MGMT: variants seen among roughly 807,000 people sequenced by gnomAD.
MGMT encodes O-6-methylguanine-DNA methyltransferase, also known as methylated-DNA--protein-cysteine methyltransferase.
A neutral mutation model predicts 15.9 loss-of-function variants in MGMT; 14 were observed. That is an observed-to-expected ratio of 0.88 (90% CI 0.58 to 1.37). The LOEUF (loss-of-function observed/expected upper bound fraction) is 1.37. MGMT is among the 40% of genes most tolerant of loss of function. The pLI, the probability that MGMT is intolerant of heterozygous loss-of-function variation, is 0.00. For synonymous variants in MGMT, 130 were observed against 118.2 expected, an observed-to-expected ratio of 1.10 and a Z score of -0.65; for missense variants, 282 against 268.1, an observed-to-expected ratio of 1.05 and a Z score of -0.36.
chr10:129,605,409 G>T (rs993709921), intron 2 of MGMT, among the ~76,000 whole-genome samples: 1 of 151,988 alleles, frequency 6.6e-6, no homozygotes, highest in African/African-American at 2.4e-5. Flanking sequence ...CTGTTTTCAT[G>T]GGCCCCTGTC....
chr10:129,575,096 C>T (rs561841461), intron 2 of MGMT, among the ~76,000 whole-genome samples: 5 of 152,274 alleles, frequency 3.3e-5, no homozygotes, highest in African/African-American at 9.6e-5. Context: ...GAGACTTTAA[C>T]ACCCCACCGT....
chr10:129,736,600 C>T (rs1260309238), intron 3 of MGMT, among the ~76,000 whole-genome samples: 4 of 151,800 alleles, frequency 2.6e-5, no homozygotes, highest in Non-Finnish European at 4.4e-5. Flanking sequence ...TTGATCCTGT[C>T]ATTATGATGT....
intron 2 of MGMT, among the ~76,000 whole-genome samples, chr10:129,671,308 T>G (rs1847719863): frequency 6.6e-6 from 1 of 152,228 alleles, no homozygotes; most frequent in Non-Finnish European, 1.5e-5. Flanking sequence ...CTTGGTAGCT[T>G]GAAGTCAGTC....
At position 129,478,728 on chromosome 10, in the gene MGMT, G is replaced by C. The variant is rs183980891; in HGVS notation, c.-13+11432G>C. Among the ~76,000 whole-genome samples, 496 of 152,348 alleles carry C rather than the reference G, an allele frequency of 3.3e-3. 1 individual carries two copies. The highest frequency in any genetic ancestry group is 5.6e-3 in the Admixed American group (86 of 15,302). On this transcript the variant is annotated intron_variant, in intron 1 of 4. Transcript: ENST00000651593. ...GCTGGCACTGTGCCCCTGGCATCTG[G>C]CTTTGGGGGGCCCAGCTGTGCAGGG...
intron 2 of MGMT, among the ~76,000 whole-genome samples, chr10:129,652,429 G>T (rs889484672): frequency 3.9e-5 from 6 of 152,242 alleles, no homozygotes; most frequent in African/African-American, 1.2e-4. Context: ...GGAGGGGCAC[G>T]TTTCTGACCC....
At chr10:129,515,937 ATTTTATT>A (rs1473887514) in intron 1 of MGMT, among the ~76,000 whole-genome samples, 4 of 152,116 alleles carry the variant, frequency 2.6e-5, no homozygotes, top group African/African-American at 9.7e-5. Context: ...TTTTTATTTT[ATTTTATT>A]TTAATTAATG....
At chr10:129,577,464 G>A (rs1378709039) in intron 2 of MGMT, among the ~76,000 whole-genome samples, 1 of 152,190 alleles carries the variant, frequency 6.6e-6, no homozygotes, top group Non-Finnish European at 1.5e-5. Flanking sequence ...AAATGGTGCT[G>A]GGAAAACTGG....
chr10:129,648,431 G>A (rs1018492981), intron 2 of MGMT, among the ~76,000 whole-genome samples: 2 of 151,864 alleles, frequency 1.3e-5, no homozygotes, highest in Non-Finnish European at 2.9e-5. Flanking sequence ...TTCAGACTTT[G>A]CATTTCAAAT....
In MGMT at chr10:129,556,528, GC is replaced by G. The variant is rs1176918242; in HGVS notation, c.125+20154del. 2.6e-5 allele frequency among the ~76,000 whole-genome samples: 4 copies of G among 152,164 alleles called. No individual in the cohort carries two copies. Among genetic ancestry groups the G allele is most frequent in the Non-Finnish European group, 5.9e-5 (4 of 68,020 alleles). On this transcript the variant is annotated intron_variant, in intron 2 of 4. Coordinates refer to ENST00000651593, the MANE Select transcript of MGMT (RefSeq NM_002412.5). The surrounding 1 kb of genome is among the most constrained non-coding windows in gnomAD (Gnocchi z 4.3). ...CAGGCTGCAGGGCTTCGTCAGGGCA[GC>G]CCTGGCGGAAGAACGCAGCCTCGTC...
At chr10:129,576,250 C>T (rs1305944536) in intron 2 of MGMT, among the ~76,000 whole-genome samples, 1 of 152,134 alleles carries the variant, frequency 6.6e-6, no homozygotes, top group African/African-American at 2.4e-5. Context: ...AATTTTAGAC[C>T]AATATCCTTG....
intron 2 of MGMT, among the ~76,000 whole-genome samples, chr10:129,687,100 C>A (rs1267848718): frequency 6.6e-6 from 1 of 152,138 alleles, no homozygotes; most frequent in Non-Finnish European, 1.5e-5. Context: ...AGGTTCTCAG[C>A]AAGTGTGCTG....
chr10:129,624,879 C>A (rs1847129293), intron 2 of MGMT, among the ~76,000 whole-genome samples: 1 of 151,886 alleles, frequency 6.6e-6, no homozygotes, highest in Non-Finnish European at 1.5e-5. Context: ...GTAAACGTGA[C>A]AAAGTAGATA....
intron 1 of MGMT, among the ~76,000 whole-genome samples, chr10:129,524,041 G>T (rs1845841843): frequency 6.6e-6 from 1 of 152,194 alleles, no homozygotes; most frequent in Admixed American, 6.5e-5. Flanking sequence ...GACAAGGTCT[G>T]TGTGAGAAGG....
intron 2 of MGMT, among the ~76,000 whole-genome samples, chr10:129,648,660 TTTTTTTCTTTTC>T (rs1847423061): frequency 1.3e-5 from 2 of 150,274 alleles, no homozygotes; most frequent in South Asian, 4.1e-4. Context: ...TTTCTTTCAC[TTTTTTTCTTTTC>T]TTTTTTCTTC....
chr10:129,581,374 T>G (rs1271030077), intron 2 of MGMT, among the ~76,000 whole-genome samples: 1 of 152,274 alleles, frequency 6.6e-6, no homozygotes, highest in East Asian at 1.9e-4. Context: ...CTGCCATTCC[T>G]CCGGTGGCAG....
chr10:129,593,046 G>A (rs1240188197), intron 2 of MGMT, among the ~76,000 whole-genome samples: 1 of 152,194 alleles, frequency 6.6e-6, no homozygotes, highest in Non-Finnish European at 1.5e-5. Flanking sequence ...TGGCCTCGGG[G>A]ATGCTGCGAG....
intron 2 of MGMT, among the ~76,000 whole-genome samples, chr10:129,584,128 G>A (rs1417412326): frequency 1.3e-5 from 2 of 152,182 alleles, no homozygotes; most frequent in African/African-American, 4.8e-5. Context: ...GGTGAGGCCT[G>A]GATCATCATC....
intron 2 of MGMT, among the ~76,000 whole-genome samples, chr10:129,597,379 A>G (rs1846763421): frequency 6.6e-6 from 1 of 152,184 alleles, no homozygotes; most frequent in Non-Finnish European, 1.5e-5. Flanking sequence ...TGAGCAAAAC[A>G]TGCTGAGTTC....
intron 2 of MGMT, among the ~76,000 whole-genome samples, chr10:129,604,715 C>G (rs1846866471): frequency 6.7e-6 from 1 of 149,626 alleles, no homozygotes; most frequent in South Asian, 2.2e-4. Context: ...CAGGCCCCAC[C>G]TGCACCCCAC....
Sources: allele counts gnomAD v4.1 joint callset (sites outside exome capture counted in the v4.1 genomes callset), GRCh38; gene constraint gnomAD v4.1.1; non-coding constraint Gnocchi (gnomAD v3.1); transcripts MANE v1.5; gene names NCBI Gene and HGNC (gene_info 2026-07-23, HGNC 2026-07-21).